Variants in TTLL11 observed in about 807,000 individuals in gnomAD.
The protein encoded by TTLL11 is tubulin tyrosine ligase like 11.
Under a neutral mutation model 51.7 loss-of-function variants are expected in TTLL11, and 42 were observed. The observed-to-expected ratio is 0.81, with a 90% confidence interval of 0.64 to 1.05. The LOEUF (loss-of-function observed/expected upper bound fraction) is 1.05. Among genes scored for constraint, TTLL11 ranks in the 50% least tolerant of loss-of-function variants. The pLI is 0.00. For missense variants in TTLL11, 799 were observed against 940.4 expected, an observed-to-expected ratio of 0.85 and a Z score of 1.97; for synonymous variants, 381 against 383.5, an observed-to-expected ratio of 0.99 and a Z score of 0.08.
In TTLL11 at chr9:122,069,226, C is replaced by T. The variant is rs549540072; in HGVS notation, c.462+23461G>A. ...GCACTGTTCTAAGGGGCTGGGAATA[C>T]AGAGATGAATAGCATGGTCCCTACC... is the stretch of plus-strand genomic sequence containing the variant. On this transcript the variant is annotated intron_variant, in intron 1 of 8. Coordinates refer to ENST00000321582, the MANE Select transcript of TTLL11 (RefSeq NM_001139442.2). Among the ~76,000 whole-genome samples, 8 of 152,270 alleles carry T rather than the reference C, an allele frequency of 5.3e-5. No homozygotes were observed. In the South Asian group the frequency reaches 1.0e-3, roughly 20 times the overall value.
chr9:121,838,348 C>T (rs1051934459), intron 8 of TTLL11, among the ~76,000 whole-genome samples: 5 of 152,260 alleles, frequency 3.3e-5, no homozygotes, highest in African/African-American at 9.6e-5. Flanking sequence ...TCCCTTGAAG[C>T]CCCCACAGCC....
chr9:121,920,121 G>T lies in TTLL11; in HGVS notation c.1482-49373C>A, dbSNP rs116987653. On this transcript the variant is annotated intron_variant, in intron 6 of 8. Transcript: ENST00000321582. ...ATTCAAGACCAGCCTGGGCAACATGGCAAAACACCATCTCCAAAAAAAATA... is the reference window on the plus strand; with the variant it reads ...ATTCAAGACCAGCCTGGGCAACATGTCAAAACACCATCTCCAAAAAAAATA... 2.2e-3 allele frequency among the ~76,000 whole-genome samples: 332 copies of T among 152,082 alleles called. 7 individuals carry two copies. In the East Asian group the frequency reaches 0.052, roughly 24 times the overall value.
At chr9:122,027,296 C>T (rs1259960697) in intron 3 of TTLL11, among the ~76,000 whole-genome samples, 2 of 152,266 alleles carry the variant, frequency 1.3e-5, no homozygotes, top group Non-Finnish European at 2.9e-5. Flanking sequence ...AGGGGAATTA[C>T]AATTCAACAT....
intron 1 of TTLL11, among the ~76,000 whole-genome samples, chr9:122,067,928 C>T (rs1170953329): frequency 6.6e-6 from 1 of 152,214 alleles, no homozygotes; most frequent in African/African-American, 2.4e-5. Context: ...AAATTTTATA[C>T]CTTAGTTTTG....
chr9:122,031,662 C>T (rs1844549468), intron 3 of TTLL11, 61 bp downstream of exon 3: 1 of 1,579,700 alleles, frequency 6.3e-7, no homozygotes, highest in Non-Finnish European at 8.6e-7. Context: ...GCACACAGGA[C>T]CCAGGACACA....
intron 6 of TTLL11, among the ~76,000 whole-genome samples, chr9:121,944,736 C>T (rs1441042876): frequency 6.6e-6 from 1 of 152,140 alleles, no homozygotes; most frequent in Non-Finnish European, 1.5e-5. Flanking sequence ...AGGACATAGG[C>T]CAGCCCCAGG....
intron 3 of TTLL11, among the ~76,000 whole-genome samples, chr9:121,997,840 G>A (rs1843325089): frequency 6.6e-6 from 1 of 152,044 alleles, no homozygotes; most frequent in Admixed American, 6.5e-5. Context: ...TGGGTGGCTG[G>A]GACCCGTCTC....
In TTLL11 at chr9:121,890,780, A is replaced by C. The variant is rs1839199344; in HGVS notation, c.1482-20032T>G. 6.6e-6 allele frequency among the ~76,000 whole-genome samples: 1 copy of C among 152,004 alleles called. No homozygotes were observed. The highest frequency in any genetic ancestry group is 2.1e-4 in the South Asian group (1 of 4,822). On this transcript the variant is annotated intron_variant, in intron 6 of 8. Coordinates refer to ENST00000321582, the MANE Select transcript of TTLL11 (RefSeq NM_001139442.2). This position sits in a 1 kb window ranked among gnomAD's most constrained non-coding sequence, Gnocchi z 4.3. ...TCAATAAACACTGGCTAGGTGCATG[A>C]ATGCATGAATGGGTGCATGAATGCA...
At chr9:121,915,189 T>C (rs1175855584) in intron 6 of TTLL11, among the ~76,000 whole-genome samples, 3 of 152,040 alleles carry the variant, frequency 2.0e-5, no homozygotes, top group Non-Finnish European at 4.4e-5. Context: ...CATAGCAACA[T>C]GAAAAAAGTA....
At chr9:121,897,618 G>GCACACACACACA (rs745877337) in intron 6 of TTLL11, among the ~76,000 whole-genome samples, 94 of 137,006 alleles carry the variant, frequency 6.9e-4, no homozygotes, top group African/African-American at 2.5e-3. Flanking sequence ...TTCCCTCCAG[G>GCACACACACACA]CACACACACA....
At chr9:121,833,026 C>T (rs887361705) in intron 8 of TTLL11, among the ~76,000 whole-genome samples, 1 of 89,560 alleles carries the variant, frequency 1.1e-5, no homozygotes, top group African/African-American at 5.0e-5. Flanking sequence ...TCATTTAGAA[C>T]AAAACAATAC....
At chr9:122,022,758 A>G (rs1452800988) in intron 3 of TTLL11, among the ~76,000 whole-genome samples, 2 of 152,074 alleles carry the variant, frequency 1.3e-5, no homozygotes, top group African/African-American at 4.8e-5. Context: ...CTTGTTATTT[A>G]AATCTCTTTA....
intron 8 of TTLL11, among the ~76,000 whole-genome samples, chr9:121,855,648 G>A (rs1052669164): frequency 5.9e-5 from 9 of 152,184 alleles, no homozygotes; most frequent in African/African-American, 1.9e-4. Context: ...GCGTTCAGAG[G>A]AGGGGAGGGA....
At chr9:122,063,666 A>G (rs957893465) in intron 1 of TTLL11, among the ~76,000 whole-genome samples, 14 of 152,332 alleles carry the variant, frequency 9.2e-5, no homozygotes, top group African/African-American at 3.4e-4. Flanking sequence ...TTTGTTCTTA[A>G]AACAACAGAA....
intron 6 of TTLL11, among the ~76,000 whole-genome samples, chr9:121,894,481 A>G (rs1650007398): frequency 6.6e-6 from 1 of 152,224 alleles, no homozygotes; most frequent in South Asian, 2.1e-4. Context: ...ACAATAGCAA[A>G]GACTTGGAAC....
intron 1 of TTLL11, among the ~76,000 whole-genome samples, chr9:122,071,215 G>A (rs753247637): frequency 7.9e-5 from 12 of 152,242 alleles, no homozygotes; most frequent in Middle Eastern, 3.4e-3. Flanking sequence ...ACTTCCACAC[G>A]GTCTGAATTT....
At chr9:121,965,490 C>T (rs1842373142) in intron 6 of TTLL11, among the ~76,000 whole-genome samples, 1 of 152,126 alleles carries the variant, frequency 6.6e-6, no homozygotes, top group Admixed American at 6.6e-5. Context: ...GGAAACTGCC[C>T]CCATGATCCA....
intron 2 of TTLL11, among the ~76,000 whole-genome samples, chr9:122,038,316 T>C (rs1365497152): frequency 6.6e-6 from 1 of 152,130 alleles, no homozygotes; most frequent in Non-Finnish European, 1.5e-5. Flanking sequence ...TAAGCTGTCC[T>C]ACCATCTTAA....
chr9:122,050,069 A>G (rs1213199724), intron 1 of TTLL11, among the ~76,000 whole-genome samples: 1 of 152,044 alleles, frequency 6.6e-6, no homozygotes, highest in Admixed American at 6.5e-5. Context: ...TCAAGCCGCA[A>G]CCCACCACAC....
Sources: allele counts gnomAD v4.1 joint callset (sites outside exome capture counted in the v4.1 genomes callset), GRCh38; gene constraint gnomAD v4.1.1; non-coding constraint Gnocchi (gnomAD v3.1); transcripts MANE v1.5; gene names NCBI Gene and HGNC (gene_info 2026-07-23, HGNC 2026-07-21).